BCAS3: variants seen among roughly 807,000 people sequenced by gnomAD.
The protein encoded by BCAS3 is BCAS3 microtubule associated cell migration factor.
In BCAS3, 53 loss-of-function variants were observed where a neutral mutation model predicts 116.1. The observed-to-expected ratio is 0.46, with a 90% CI of 0.37 to 0.57. The LOEUF (loss-of-function observed/expected upper bound fraction) is 0.57. BCAS3 is among the 20% of genes least tolerant of loss of function. BCAS3 has a pLI of 0.00. For missense variants in BCAS3, 917 were observed against 1,165.4 expected (o/e 0.79, Z 3.10); for synonymous variants, 391 against 408.2 (o/e 0.96, Z 0.51).
intron 2 of BCAS3, among the ~76,000 whole-genome samples, chr17:60,681,041 A>T (rs958395630): frequency 1.3e-5 from 2 of 152,076 alleles, no homozygotes; most frequent in Admixed American, 1.3e-4. Flanking sequence ...CTCATGCCTT[A>T]AAAAAATACA....
At chr17:60,722,872 C>T (rs2039402702) in intron 5 of BCAS3, among the ~76,000 whole-genome samples, 1 of 151,976 alleles carries the variant, frequency 6.6e-6, no homozygotes, top group African/African-American at 2.4e-5. Flanking sequence ...TGAGACCACC[C>T]TGGGCAACAT....
chr17:60,762,861 C>T (rs2043678877), intron 6 of BCAS3, among the ~76,000 whole-genome samples: 2 of 151,580 alleles, frequency 1.3e-5, no homozygotes, highest in Non-Finnish European at 1.5e-5. Flanking sequence ...TGTTTGTATC[C>T]TCTTTTATTC....
At chr17:60,818,231 TAC>T (rs2049613150) in intron 7 of BCAS3, among the ~76,000 whole-genome samples, 1 of 152,182 alleles carries the variant, frequency 6.6e-6, no homozygotes. Flanking sequence ...TTAAATAGAA[TAC>T]AGTTAATTCA....
intron 4 of BCAS3, among the ~76,000 whole-genome samples, chr17:60,692,108 G>A (rs926253505): frequency 6.6e-6 from 1 of 151,162 alleles, no homozygotes; most frequent in African/African-American, 2.4e-5. Flanking sequence ...TCATTTCAAA[G>A]TTATTTCCCT....
intron 22 of BCAS3, among the ~76,000 whole-genome samples, chr17:61,182,714 T>C (rs748617825): frequency 6.6e-5 from 10 of 152,224 alleles, no homozygotes; most frequent in Non-Finnish European, 1.3e-4. Flanking sequence ...TCTGTCTCTA[T>C]GTATTTGTCA....
chr17:60,868,166 A>G (rs2054790848), intron 7 of BCAS3, among the ~76,000 whole-genome samples: 1 of 151,874 alleles, frequency 6.6e-6, no homozygotes, highest in Non-Finnish European at 1.5e-5. Flanking sequence ...CTGGGACTAC[A>G]GGCACATGCC....
chr17:61,102,764 ATGT>A (rs1306517998), intron 22 of BCAS3, among the ~76,000 whole-genome samples: 1 of 152,098 alleles, frequency 6.6e-6, no homozygotes, highest in Non-Finnish European at 1.5e-5. Flanking sequence ...TCTGTCTCTG[ATGT>A]TGTAAAAATT....
Position 61,084,560 on chromosome 17 carries a change from C to G in BCAS3, c.2421C>G (p.Ala807=). The G allele has an allele frequency of 6.2e-7, 1 of 1,612,592 alleles. No individual in the cohort carries two copies. The highest frequency in any genetic ancestry group is 8.5e-7 in the Non-Finnish European group (1 of 1,178,680). The change falls in exon 22 of 24, where the codon GCC becomes GCG. Residue 807 remains alanine, a synonymous_variant. Coordinates refer to ENST00000407086, the MANE Select transcript of BCAS3 (RefSeq NM_017679.5). The surrounding 1 kb of genome is among the most constrained non-coding windows in gnomAD (Gnocchi z 5.5). ...GAGTTTCCACAGTGATTGATGCTGC[C>G]TCAGGTAGAAAACCACCTCTGAAAT... The part of the protein sequence containing the change: ...RRGVSTVIDA[A]SGTFDRSVTL...
chr17:61,237,201 G>T (rs1163176083), intron 22 of BCAS3, among the ~76,000 whole-genome samples: 1 of 152,156 alleles, frequency 6.6e-6, no homozygotes, highest in Non-Finnish European at 1.5e-5. Flanking sequence ...TCTGCAGCTA[G>T]CAAGGGGATT....
chr17:61,251,906 G>A lies in BCAS3; in HGVS notation c.2426-116421G>A, dbSNP rs992363370. Among the ~76,000 whole-genome samples, 2 of 152,196 alleles carry A rather than the reference G, an allele frequency of 1.3e-5. No homozygotes were observed. Among genetic ancestry groups the A allele is most frequent in the Admixed American group, 1.3e-4 (2 of 15,274 alleles). Reference sequence around the variant, plus strand: ...TCTTTATAATGAAGATCCCAAATATGTGAGCCTTCTATCAAGCTTGATCTC... The same window carrying A: ...TCTTTATAATGAAGATCCCAAATATATGAGCCTTCTATCAAGCTTGATCTC... On this transcript the variant is annotated intron_variant, in intron 22 of 23. Transcript: ENST00000407086. This position sits in a 1 kb window ranked among gnomAD's most constrained non-coding sequence, Gnocchi z 4.7.
chr17:60,785,084 G>A (rs1238223571), intron 6 of BCAS3, among the ~76,000 whole-genome samples: 1 of 152,162 alleles, frequency 6.6e-6, no homozygotes, highest in African/African-American at 2.4e-5. Flanking sequence ...GGGCAACAGA[G>A]CGAGACTCCG....
intron 22 of BCAS3, among the ~76,000 whole-genome samples, chr17:61,154,327 C>G (rs965505103): frequency 2.0e-5 from 3 of 152,158 alleles, no homozygotes; most frequent in African/African-American, 4.8e-5. Context: ...GTGTGCTGGA[C>G]CAGCCTTGAC....
intron 6 of BCAS3, among the ~76,000 whole-genome samples, chr17:60,770,400 CTT>C (rs35691381): frequency 3.0e-4 from 23 of 76,888 alleles, no homozygotes; most frequent in South Asian, 6.2e-4. Flanking sequence ...AGTGTTCCCT[CTT>C]TTTTTTTTTT....
chr17:60,841,700 G>A (rs1219637872), intron 7 of BCAS3, among the ~76,000 whole-genome samples: 3 of 151,854 alleles, frequency 2.0e-5, no homozygotes, highest in South Asian at 2.1e-4. Flanking sequence ...TAGTTTCTAT[G>A]GGTTAGGAGT....
rs2076433253 is a variant in BCAS3, at chr17:61,133,205, AC to A, written c.2425+48645del. 2.0e-5 allele frequency among the ~76,000 whole-genome samples: 3 copies of A among 152,302 alleles called. No individual in the cohort carries two copies. The South Asian group carries it at 6.2e-4, about 32-fold the overall frequency. ...GCTCAGATTTGGAGTATTTGATGTT[AC>A]CCCTTTCTGATGAACGTCTGAGATT... On this transcript the variant is annotated intron_variant, in intron 22 of 23. Transcript: ENST00000407086.
In BCAS3 at chr17:61,363,351, G is replaced by C. The variant is rs929654472; in HGVS notation, c.2426-4976G>C. Among the ~76,000 whole-genome samples, 6 of 152,164 alleles carry C rather than the reference G, an allele frequency of 3.9e-5. No individual in the cohort carries two copies. Among genetic ancestry groups the C allele is most frequent in the Non-Finnish European group, 2.9e-5 (2 of 68,024 alleles). On this transcript the variant is annotated intron_variant, in intron 22 of 23. Coordinates refer to ENST00000407086, the MANE Select transcript of BCAS3 (RefSeq NM_017679.5). The surrounding 1 kb of genome is among the most constrained non-coding windows in gnomAD (Gnocchi z 4.9). ...TCTTTATACCTTCGGTAGTTGAGCAGGTAAGACTTGAACTCATTCTTAGAA... is the reference window on the plus strand; with the variant it reads ...TCTTTATACCTTCGGTAGTTGAGCACGTAAGACTTGAACTCATTCTTAGAA...
intron 15 of BCAS3, among the ~76,000 whole-genome samples, chr17:61,010,004 G>T (rs1334731932): frequency 6.6e-6 from 1 of 150,850 alleles, no homozygotes; most frequent in Admixed American, 6.6e-5. Flanking sequence ...TTTATAATGG[G>T]TCTTTTAATT....
intron 14 of BCAS3, among the ~76,000 whole-genome samples, chr17:60,973,110 C>T (rs762231203): frequency 4.6e-5 from 7 of 152,056 alleles, no homozygotes; most frequent in African/African-American, 1.4e-4. Context: ...TTTTTTATCA[C>T]GTTATAAAAT....
Position 61,056,503 on chromosome 17 carries a change from T to C in BCAS3, c.2029+15611T>C, listed in dbSNP as rs1469760839. The stretch of plus-strand genomic sequence containing the variant: ...TTTTAATTAAAGTATTTAAAATAAA[T>C]TTATAAAGTATAAAAATTCTTTTAT... On this transcript the variant is annotated intron_variant, in intron 19 of 23. Coordinates refer to ENST00000407086, the MANE Select transcript of BCAS3 (RefSeq NM_017679.5). The surrounding 1 kb of genome is among the most constrained non-coding windows in gnomAD (Gnocchi z 4.9). Among the ~76,000 whole-genome samples the C allele has an allele frequency of 6.6e-6, 1 of 152,036 alleles. No individual in the cohort carries two copies. The highest frequency in any genetic ancestry group is 1.5e-5 in the Non-Finnish European group (1 of 68,002).
Sources: gnomAD v4.1 joint callset for allele counts (sites outside exome capture counted in the v4.1 genomes callset) on GRCh38, gnomAD v4.1.1 for gene constraint, Gnocchi (gnomAD v3.1) non-coding constraint, MANE v1.5 for transcripts, NCBI Gene and HGNC (gene_info 2026-07-23, HGNC 2026-07-21) for gene names.